Variants in CCDC88A observed in about 807,000 individuals in gnomAD.
CCDC88A encodes coiled-coil and HOOK domain protein 88A.
CCDC88A carries 54 observed loss-of-function variants against 234.3 expected under a neutral mutation model. The observed-to-expected ratio is 0.23, with a 90% CI of 0.19 to 0.29. The LOEUF (loss-of-function observed/expected upper bound fraction) is 0.29, where lower values mean the gene tolerates loss of function less well. CCDC88A is among the 10% of genes least tolerant of loss of function. The pLI, the probability that CCDC88A is intolerant of heterozygous loss-of-function variation, is 1.00. For synonymous variants in CCDC88A, 753 were observed against 737.8 expected (o/e 1.02, Z -0.33); for missense variants, 1,832 against 2,123.4 (o/e 0.86, Z 2.70).
intron 2 of CCDC88A, among the ~76,000 whole-genome samples, chr2:55,393,329 C>A (rs565318743): frequency 1.8e-4 from 22 of 119,488 alleles, no homozygotes; most frequent in Non-Finnish European, 1.6e-4. Context: ...GAGTCCCAGT[C>A]TGCCAGGCTG....
rs190482569 is a variant in CCDC88A, at chr2:55,412,803, T to C, written c.164+6013A>G. 4.6e-5 allele frequency among the ~76,000 whole-genome samples: 7 copies of C among 152,374 alleles called. No individual in the cohort carries two copies. The East Asian group carries it at 1.3e-3, about 29-fold the overall frequency. On this transcript the variant is annotated intron_variant, in intron 2 of 32. Coordinates refer to ENST00000436346, the MANE Select transcript of CCDC88A (RefSeq NM_001365480.1). ...TAAGCATTGTACATACATTATTCTA[T>C]TTGATTCTCATAACAATCCTGTGAC...
At chr2:55,346,865 A>G (rs1036162387) in intron 9 of CCDC88A, among the ~76,000 whole-genome samples, 5 of 152,102 alleles carry the variant, frequency 3.3e-5, no homozygotes, top group Non-Finnish European at 1.5e-5. Context: ...AATTTTTTTA[A>G]AACCTTTTTA....
At chr2:55,297,399 A>AATATATATTATATATAT (rs1680315100) in intron 29 of CCDC88A, among the ~76,000 whole-genome samples, 1 of 22,018 alleles carries the variant, frequency 4.5e-5, no homozygotes, top group East Asian at 2.6e-3. Flanking sequence ...ATTATATATA[A>AATATATATTATATATAT]ATATACATAT....
chr2:55,317,595 G>C lies in CCDC88A; in HGVS notation c.3571C>G (p.Leu1191Val). The C allele has an allele frequency of 6.3e-7, 1 of 1,585,780 alleles. No individual in the cohort carries two copies. The highest frequency in any genetic ancestry group is 8.6e-7 in the Non-Finnish European group (1 of 1,160,406). Reference sequence around the variant, plus strand: ...TCAAGGTCTCTATGTTCCACCTCAAGATTTTTGTGGGCAGACTTCAGAGTT... The same window carrying C: ...TCAAGGTCTCTATGTTCCACCTCAACATTTTTGTGGGCAGACTTCAGAGTT... ...HGTLKSAHKN[L>V]EVEHRDLEDR... The change falls in exon 20 of 33, where the codon CTT (leucine) becomes GTT (valine). Residue 1191 changes from leucine to valine, a missense_variant. Around this residue, in one of 6 missense-constraint regions of CCDC88A, gnomAD observed 1,282 missense variants for 1,543.6 expected, o/e 0.83. Transcript: ENST00000436346. The surrounding 1 kb of genome is among the most constrained non-coding windows in gnomAD (Gnocchi z 4.2).
At chr2:55,408,493 C>A (rs1307928819) in intron 2 of CCDC88A, among the ~76,000 whole-genome samples, 10 of 152,124 alleles carry the variant, frequency 6.6e-5, no homozygotes, top group African/African-American at 2.4e-4. Context: ...AAGAAACTCA[C>A]CAGAGCCCAC....
intron 11 of CCDC88A, chr2:55,344,124 G>A (rs1668819584): frequency 2.7e-6 from 1 of 364,068 alleles, no homozygotes; most frequent in South Asian, 9.9e-5. Context: ...TTACACAATA[G>A]CTTATTTATT....
At position 55,393,777 on chromosome 2, in the gene CCDC88A, T is replaced by C. The variant is rs573201048; in HGVS notation, c.165-4891A>G. Among the ~76,000 whole-genome samples the C allele has an allele frequency of 3.0e-4, 46 of 152,304 alleles. 1 individual carries two copies. Among genetic ancestry groups the C allele is most frequent in the Non-Finnish European group, 5.4e-4 (37 of 68,028 alleles). On this transcript the variant is annotated intron_variant, in intron 2 of 32. Coordinates refer to ENST00000436346, the MANE Select transcript of CCDC88A (RefSeq NM_001365480.1). ...TTTCTTTACTTGCTGCATTAACAAA[T>C]AGAAATGGAGACAGCAGATATCCTT...
At chr2:55,409,240 C>T (rs1408492411) in intron 2 of CCDC88A, among the ~76,000 whole-genome samples, 2 of 152,126 alleles carry the variant, frequency 1.3e-5, no homozygotes, top group African/African-American at 4.8e-5. Flanking sequence ...CCGTTATTTA[C>T]ATCTTCATGC....
chr2:55,416,985 A>C (rs118148591), intron 2 of CCDC88A: 2 of 151,994 alleles, frequency 1.3e-5, no homozygotes, highest in African/African-American at 4.8e-5. Flanking sequence ...AATCTAAAGA[A>C]ACTGAGAGGT....
chr2:55,360,478 A>C (rs1038695826), intron 7 of CCDC88A, among the ~76,000 whole-genome samples: 2 of 152,178 alleles, frequency 1.3e-5, no homozygotes, highest in African/African-American at 2.4e-5. Context: ...ATAACTGGAT[A>C]TCTCTCCTCC....
At chr2:55,409,810 G>A (rs1298006579) in intron 2 of CCDC88A, among the ~76,000 whole-genome samples, 2 of 142,466 alleles carry the variant, frequency 1.4e-5, no homozygotes, top group Admixed American at 7.3e-5. Context: ...GCGCAATCTC[G>A]GCTCACTGCA....
At chr2:55,368,821 AT>A (rs1318952766) in intron 5 of CCDC88A, among the ~76,000 whole-genome samples, 8 of 152,320 alleles carry the variant, frequency 5.3e-5, no homozygotes, top group Non-Finnish European at 7.3e-5. Context: ...AGATGAACAA[AT>A]TTTCTGAAAT....
At position 55,309,493 on chromosome 2, in the gene CCDC88A, A is replaced by G. The variant is rs1216947362; in HGVS notation, c.4080-239T>C. On this transcript the variant is annotated intron_variant, in intron 23 of 32. Transcript: ENST00000436346. This position sits in a 1 kb window ranked among gnomAD's most constrained non-coding sequence, Gnocchi z 5.1. ...AGAAAGGTGACCTATTACAATTTATATCAGCAAAAAATTAAAACATTGTTT... is the reference window on the plus strand; with the variant it reads ...AGAAAGGTGACCTATTACAATTTATGTCAGCAAAAAATTAAAACATTGTTT... Among the ~76,000 whole-genome samples, 1 of 152,164 alleles carries G rather than the reference A, an allele frequency of 6.6e-6. No homozygotes were observed. Among genetic ancestry groups the G allele is most frequent in the Non-Finnish European group, 1.5e-5 (1 of 68,020 alleles).
At position 55,384,595 on chromosome 2, in the gene CCDC88A, A is replaced by ATATG. The variant is rs1675234281; in HGVS notation, c.273+4182_273+4183insCATA. On this transcript the variant is annotated intron_variant, in intron 3 of 32. Coordinates refer to ENST00000436346, the MANE Select transcript of CCDC88A (RefSeq NM_001365480.1). ...CGTATATATGTGTATATATACACAT[A>ATATG]TATACGTATATATGTGTATATATAC... Among the ~76,000 whole-genome samples the ATATG allele has an allele frequency of 1.5e-5, 2 of 133,210 alleles. 1 individual carries two copies. Among genetic ancestry groups the ATATG allele is most frequent in the African/African-American group, 6.2e-5 (2 of 32,172 alleles). 87.4% of individuals were successfully genotyped at this position (133,210 alleles called of 152,430 possible). A position where few individuals can be genotyped will look rare whatever the true frequency, so the allele number is the denominator to read the frequency against.
intron 8 of CCDC88A, among the ~76,000 whole-genome samples, chr2:55,355,167 G>A (rs1035642155): frequency 5.9e-5 from 9 of 151,880 alleles, no homozygotes; most frequent in East Asian, 1.9e-4. Context: ...AGTATAATGC[G>A]AAGAACTCAG....
chr2:55,292,662 A>G (rs2589112), intron 31 of CCDC88A: 125,840 of 152,200 alleles, frequency 0.83, 54,983 homozygotes, highest in East Asian at 0.97. Context: ...GGAGTTGGAG[A>G]CTAGCTTGGC....
At chr2:55,366,936 A>AAAGAGC (rs1672062463) in intron 5 of CCDC88A, among the ~76,000 whole-genome samples, 1 of 152,248 alleles carries the variant, frequency 6.6e-6, no homozygotes, top group Non-Finnish European at 1.5e-5. Context: ...GCAGGGATTC[A>AAAGAGC]AACAGACATT....
rs1334148469 is a variant in CCDC88A, at chr2:55,335,177, GA to G, written c.1657-14del. 2.1e-6 allele frequency: 3 copies of G among 1,420,634 alleles called. No homozygotes were observed. Among genetic ancestry groups the G allele is most frequent in the Admixed American group, 2.6e-5 (1 of 39,206 alleles). The allele number at this position is 1,420,634 out of a possible 1,614,324, so 88.0% of individuals were successfully genotyped here. A position where few individuals can be genotyped will look rare whatever the true frequency, so the allele number is the denominator to read the frequency against. Reference sequence around the variant, plus strand: ...CCAGTATCTTAATCTAATTTGAAAAGAAAATAATTAAAAGCTGTAATTGAGG... The same window carrying G: ...CCAGTATCTTAATCTAATTTGAAAAGAAATAATTAAAAGCTGTAATTGAGG... On this transcript the variant is annotated splice_polypyrimidine_tract_variant and intron_variant, in intron 14 of 32. Transcript: ENST00000436346. The surrounding 1 kb of genome is among the most constrained non-coding windows in gnomAD (Gnocchi z 4.5).
chr2:55,373,910 C>T (rs1331135570), intron 4 of CCDC88A, among the ~76,000 whole-genome samples: 1 of 152,034 alleles, frequency 6.6e-6, no homozygotes, highest in Non-Finnish European at 1.5e-5. Flanking sequence ...AGGATAAGCC[C>T]ATTGTTGAAA....
Sources: gnomAD v4.1 joint callset for allele counts (sites outside exome capture counted in the v4.1 genomes callset) on GRCh38, gnomAD v4.1.1 for gene constraint, gnomAD v4.1.1 regional missense constraint, Gnocchi (gnomAD v3.1) non-coding constraint, MANE v1.5 for transcripts, NCBI Gene and HGNC (gene_info 2026-07-23, HGNC 2026-07-21) for gene names.